Variants in CCDC60 observed in about 807,000 individuals in gnomAD.
CCDC60 encodes coiled-coil domain containing 60, also known as coiled-coil domain-containing protein 60.
In CCDC60, 54 loss-of-function variants were observed where a neutral mutation model predicts 63.5. The ratio of observed to expected loss-of-function variants is 0.85; its 90% CI spans 0.68 to 1.07. The LOEUF (loss-of-function observed/expected upper bound fraction) is 1.07, where lower values mean the gene tolerates loss of function less well. Ranked by LOEUF, CCDC60 falls within the 50% of genes least tolerant of loss-of-function variation. The pLI, the probability that CCDC60 is intolerant of heterozygous loss-of-function variation, is 0.00. For missense variants in CCDC60, 651 were observed against 684.3 expected, an observed-to-expected ratio of 0.95 and a Z score of 0.54; for synonymous variants, 206 against 238.8, an observed-to-expected ratio of 0.86 and a Z score of 1.27.
At chr12:119,392,673 G>C (rs987380343) in intron 1 of CCDC60, among the ~76,000 whole-genome samples, 74 of 152,310 alleles carry the variant, frequency 4.9e-4, no homozygotes, top group African/African-American at 1.7e-3. Context: ...CGGGATGAAT[G>C]AATCAATCAA....
Position 119,530,868 on chromosome 12 carries a change from T to C in CCDC60, c.1362-6T>C, listed in dbSNP as rs1201954038. ...CCTAACTTGTCCTCTCCTTTTGGAA[T>C]TGAAGGTACTTTGATCTGTTGTCCA... On this transcript the variant is annotated splice_polypyrimidine_tract_variant and splice_region_variant and intron_variant, in intron 12 of 13. Transcript: ENST00000327554. The C allele has an allele frequency of 1.9e-6, 3 of 1,610,912 alleles. No individual in the cohort carries two copies. The highest frequency in any genetic ancestry group is 2.2e-5 in the South Asian group (2 of 90,760).
At position 119,426,367 on chromosome 12, in the gene CCDC60, G is replaced by T. The variant is rs112092066; in HGVS notation, c.91-2316G>T. 1.4e-3 allele frequency among the ~76,000 whole-genome samples: 201 copies of T among 143,768 alleles called. 1 individual carries two copies. The highest frequency in any genetic ancestry group is 5.1e-3 in the African/African-American group (187 of 36,462). 94.3% of individuals were successfully genotyped at this position (143,768 alleles called of 152,430 possible). A position where few individuals can be genotyped will look rare whatever the true frequency, so the allele number is the denominator to read the frequency against. ...TTTTTATTTATTTTTGTTTTGTTTT[G>T]TTTTTTTGAGAGAGGGTCTCGCTCT... On this transcript the variant is annotated intron_variant, in intron 1 of 13. Coordinates refer to ENST00000327554, the MANE Select transcript of CCDC60 (RefSeq NM_178499.5).
chr12:119,388,471 T>C (rs561583615), intron 1 of CCDC60: 14 of 152,356 alleles, frequency 9.2e-5, no homozygotes, highest in African/African-American at 3.4e-4. Context: ...CATTTAAGTT[T>C]CTGCCAGTGT....
intron 1 of CCDC60, among the ~76,000 whole-genome samples, chr12:119,385,358 C>T (rs1956049518): frequency 6.6e-6 from 1 of 152,152 alleles, no homozygotes; most frequent in South Asian, 2.1e-4. Flanking sequence ...AATTGTAGCT[C>T]CCATAATTCC....
intron 3 of CCDC60, among the ~76,000 whole-genome samples, chr12:119,477,047 C>T (rs1405079060): frequency 6.6e-6 from 1 of 152,216 alleles, no homozygotes; most frequent in Non-Finnish European, 1.5e-5. Context: ...GGGCAGCTCA[C>T]AGGACCCATT....
intron 2 of CCDC60, among the ~76,000 whole-genome samples, chr12:119,452,936 C>T (rs1950661281): frequency 6.6e-6 from 1 of 152,128 alleles, no homozygotes; most frequent in Non-Finnish European, 1.5e-5. Context: ...AATTCCCCTG[C>T]CTCAACCTCC....
chr12:119,465,016 T>C (rs1216985591), intron 2 of CCDC60, among the ~76,000 whole-genome samples: 6 of 152,166 alleles, frequency 3.9e-5, no homozygotes, highest in African/African-American at 1.4e-4. Context: ...AATTACGAAT[T>C]AAATAAATCT....
intron 1 of CCDC60, among the ~76,000 whole-genome samples, chr12:119,383,923 G>A (rs1285011281): frequency 1.3e-5 from 2 of 152,194 alleles, no homozygotes; most frequent in Non-Finnish European, 2.9e-5. Context: ...TAGGCCGGGC[G>A]CGGTGGCTCA....
At chr12:119,377,705 G>C (rs61938065) in intron 1 of CCDC60, among the ~76,000 whole-genome samples, 1 of 152,128 alleles carries the variant, frequency 6.6e-6, no homozygotes, top group Non-Finnish European at 1.5e-5. Context: ...TCAAATCCAG[G>C]AAAATTTGGT....
At position 119,472,111 on chromosome 12, in the gene CCDC60, A is replaced by C. The variant is rs1467601495; in HGVS notation, c.288A>C (p.Lys96Asn). 1 of 1,614,214 alleles carries C rather than the reference A, an allele frequency of 6.2e-7. No individual in the cohort carries two copies. Among genetic ancestry groups the C allele is most frequent in the Non-Finnish European group, 8.5e-7 (1 of 1,180,028 alleles). ...LQKLKEEERNKFQPAEKISEI... is the reference protein window; with the variant it reads ...LQKLKEEERNNFQPAEKISEI... ...AACTGAAAGAGGAGGAAAGAAATAAATTCCAGCCAGCCGAAAAGATCTCAG... is the reference window on the plus strand; with the variant it reads ...AACTGAAAGAGGAGGAAAGAAATAACTTCCAGCCAGCCGAAAAGATCTCAG... The change falls in exon 3 of 14, where the codon AAA (lysine) becomes AAC (asparagine). Residue 96 changes from lysine (K) to asparagine (N), a missense_variant. Physicochemically the swap from Lys to Asn is moderately conservative, Grantham distance 94. Coordinates refer to ENST00000327554, the MANE Select transcript of CCDC60 (RefSeq NM_178499.5).
chr12:119,507,566 A>G (rs1277787115), intron 7 of CCDC60, among the ~76,000 whole-genome samples: 1 of 63,568 alleles, frequency 1.6e-5, no homozygotes, highest in Admixed American at 1.9e-4. Flanking sequence ...ATATATATAT[A>G]TATGTATATA....
chr12:119,373,165 G>T (rs532263558), intron 1 of CCDC60, among the ~76,000 whole-genome samples: 1 of 152,110 alleles, frequency 6.6e-6, no homozygotes, highest in Non-Finnish European at 1.5e-5. Flanking sequence ...TGACTGACCT[G>T]GATCTAACCC....
At chr12:119,523,334 T>C (rs973822850) in intron 10 of CCDC60, among the ~76,000 whole-genome samples, 2 of 152,176 alleles carry the variant, frequency 1.3e-5, no homozygotes, top group African/African-American at 2.4e-5. Context: ...CCACGTGAAA[T>C]GTCTTGCCTG....
intron 1 of CCDC60, among the ~76,000 whole-genome samples, chr12:119,337,805 C>T (rs923026596): frequency 2.1e-5 from 3 of 145,880 alleles, no homozygotes; most frequent in East Asian, 4.1e-4. Flanking sequence ...TTTAGATTCA[C>T]GCATGTGTGT....
chr12:119,415,202 A>T (rs187903593), intron 1 of CCDC60, among the ~76,000 whole-genome samples: 1 of 152,206 alleles, frequency 6.6e-6, no homozygotes, highest in Non-Finnish European at 1.5e-5. Flanking sequence ...GTGCATCCTT[A>T]TATGACAGCC....
At chr12:119,520,344 T>C in intron 9 of CCDC60, 152 bp downstream of exon 9, 1 of 636,540 alleles carries the variant, frequency 1.6e-6, no homozygotes, top group Non-Finnish European at 2.7e-6. Context: ...ACAAGCCCCT[T>C]TACTGCAGGG....
chr12:119,430,685 A>C (rs1458902118), intron 2 of CCDC60, among the ~76,000 whole-genome samples: 1 of 151,588 alleles, frequency 6.6e-6, no homozygotes, highest in Non-Finnish European at 1.5e-5. Context: ...AAAAAAAGTC[A>C]CATGAGTCAC....
At chr12:119,380,496 A>G (rs1231151168) in intron 1 of CCDC60, among the ~76,000 whole-genome samples, 2 of 152,206 alleles carry the variant, frequency 1.3e-5, no homozygotes, top group African/African-American at 2.4e-5. Flanking sequence ...GTTGGAAGGG[A>G]TTTTAGGTCT....
intron 1 of CCDC60, among the ~76,000 whole-genome samples, chr12:119,426,686 C>G (rs987569361): frequency 3.9e-5 from 6 of 152,288 alleles, no homozygotes; most frequent in Non-Finnish European, 8.8e-5. Flanking sequence ...CAAGTAATAG[C>G]TGCAGTTACA....
Sources: gnomAD v4.1 joint callset for allele counts (sites outside exome capture counted in the v4.1 genomes callset) on GRCh38, gnomAD v4.1.1 for gene constraint, MANE v1.5 for transcripts, NCBI Gene and HGNC (gene_info 2026-07-23, HGNC 2026-07-21) for gene names.